The following TEAD1 variants were observed in gnomAD, a reference collection of about 807,000 sequenced individuals.
TEAD1 encodes TEA domain transcription factor 1.
A neutral mutation model predicts 54.9 loss-of-function variants in TEAD1; 9 were observed. The ratio of observed to expected loss-of-function variants is 0.16; its 90% confidence interval spans 0.10 to 0.29. TEAD1 has a LOEUF of 0.29. TEAD1 is among the 10% of genes least tolerant of loss of function. The probability of loss-of-function intolerance (pLI) is 1.00; values close to 1 mark genes in which losing one functional copy is unlikely to be tolerated. For synonymous variants in TEAD1, 200 were observed against 187.8 expected, an observed-to-expected ratio of 1.07 and a Z score of -0.53; for missense variants, 387 against 535.9, an observed-to-expected ratio of 0.72 and a Z score of 2.74.
intron 3 of TEAD1, among the ~76,000 whole-genome samples, chr11:12,846,174 T>G (rs1227572004): frequency 1.3e-5 from 2 of 152,332 alleles, no homozygotes; most frequent in African/African-American, 4.8e-5. Context: ...TATTTGGCCT[T>G]TGTCACATGA....
intron 9 of TEAD1, among the ~76,000 whole-genome samples, chr11:12,885,517 G>A (rs529282040): frequency 1.2e-3 from 176 of 152,182 alleles, no homozygotes; most frequent in African/African-American, 4.1e-3. Context: ...GATTACAGGC[G>A]TGAGGCACCG....
At chr11:12,693,180 A>G (rs1356001538) in intron 2 of TEAD1, among the ~76,000 whole-genome samples, 2 of 152,242 alleles carry the variant, frequency 1.3e-5, no homozygotes, top group South Asian at 2.1e-4. Flanking sequence ...TAGTACTTTT[A>G]AAGAACTTCG....
At chr11:12,689,539 T>A (rs892288364) in intron 2 of TEAD1, among the ~76,000 whole-genome samples, 1 of 152,152 alleles carries the variant, frequency 6.6e-6, no homozygotes, top group Non-Finnish European at 1.5e-5. Flanking sequence ...CGGAGAAGTG[T>A]CTCATAAATG....
intron 10 of TEAD1, among the ~76,000 whole-genome samples, chr11:12,903,517 T>A (rs1948458972): frequency 6.6e-6 from 1 of 152,232 alleles, no homozygotes. Context: ...CTTCCATTAT[T>A]GAAATTTGGT....
intron 2 of TEAD1, among the ~76,000 whole-genome samples, chr11:12,741,924 G>A (rs1944658895): frequency 2.6e-5 from 4 of 152,178 alleles, no homozygotes; most frequent in Admixed American, 2.6e-4. Flanking sequence ...TCATGTGGCT[G>A]TCTGTTACCT....
intron 9 of TEAD1, among the ~76,000 whole-genome samples, chr11:12,885,012 G>T (rs1443319112): frequency 6.6e-6 from 1 of 152,138 alleles, no homozygotes; most frequent in Non-Finnish European, 1.5e-5. Context: ...CTTTGTGGTT[G>T]AGTATTTCAT....
intron 9 of TEAD1, among the ~76,000 whole-genome samples, chr11:12,897,555 T>C (rs1308785616): frequency 2.0e-5 from 3 of 152,200 alleles, no homozygotes; most frequent in South Asian, 4.1e-4. Context: ...CACCACCTCT[T>C]GGCAGCAGTG....
intron 5 of TEAD1, among the ~76,000 whole-genome samples, chr11:12,870,753 G>A (rs1947730547): frequency 6.6e-6 from 1 of 152,324 alleles, no homozygotes; most frequent in Non-Finnish European, 1.5e-5. Flanking sequence ...AGGTATGGCA[G>A]TGTGCACCGG....
chr11:12,723,580 TCTC>T (rs1398326586), intron 2 of TEAD1, among the ~76,000 whole-genome samples: 1 of 152,194 alleles, frequency 6.6e-6, no homozygotes, highest in African/African-American at 2.4e-5. Flanking sequence ...CTTTTCCTCT[TCTC>T]CTTAGATTCT....
At chr11:12,893,422 C>CT (rs1207250534) in intron 9 of TEAD1, among the ~76,000 whole-genome samples, 1 of 152,196 alleles carries the variant, frequency 6.6e-6, no homozygotes, top group Non-Finnish European at 1.5e-5. Flanking sequence ...AGACATTGTA[C>CT]TGTGTTTCTA....
intron 2 of TEAD1, among the ~76,000 whole-genome samples, chr11:12,730,035 C>T (rs985855625): frequency 1.3e-5 from 2 of 151,862 alleles, no homozygotes; most frequent in South Asian, 2.1e-4. Flanking sequence ...CATAGGTGAC[C>T]ACAACTTCCC....
chr11:12,731,509 G>C (rs971346637), intron 2 of TEAD1, among the ~76,000 whole-genome samples: 5 of 151,910 alleles, frequency 3.3e-5, no homozygotes, highest in Admixed American at 6.6e-5. Context: ...TACTTTTCTG[G>C]TAGGTGGAAT....
intron 3 of TEAD1, among the ~76,000 whole-genome samples, chr11:12,794,505 C>T (rs1323835090): frequency 6.6e-6 from 1 of 152,206 alleles, no homozygotes; most frequent in Admixed American, 6.5e-5. Context: ...ATATCCCTCT[C>T]TTTTCGACAT....
At chr11:12,907,151 T>C (rs1189722375) in intron 10 of TEAD1, among the ~76,000 whole-genome samples, 1 of 152,228 alleles carries the variant, frequency 6.6e-6, no homozygotes, top group Non-Finnish European at 1.5e-5. Flanking sequence ...CTTCAGCCAT[T>C]ATGTCTGCAA....
At chr11:12,715,037 A>G (rs916149940) in intron 2 of TEAD1, among the ~76,000 whole-genome samples, 59 of 152,182 alleles carry the variant, frequency 3.9e-4, no homozygotes, top group African/African-American at 1.1e-3. Context: ...ACCAAGTGTC[A>G]GTATGTGTCA....
chr11:12,713,935 C>T (rs1034411500), intron 2 of TEAD1, among the ~76,000 whole-genome samples: 1 of 152,224 alleles, frequency 6.6e-6, no homozygotes, highest in African/African-American at 2.4e-5. Flanking sequence ...ACTGGCCAGC[C>T]TTCAGACTTT....
At chr11:12,864,923 G>A in intron 5 of TEAD1, 23 bp downstream of exon 5, 1 of 1,613,660 alleles carries the variant, frequency 6.2e-7, no homozygotes, top group Non-Finnish European at 8.5e-7. Flanking sequence ...CTGCTTTTTG[G>A]CTTGTGGTTG....
intron 3 of TEAD1, among the ~76,000 whole-genome samples, chr11:12,809,983 T>TTTG (rs1946263454): frequency 6.0e-5 from 2 of 33,248 alleles, no homozygotes; most frequent in African/African-American, 1.4e-4. Flanking sequence ...TCTTTTTTTT[T>TTTG]TTTTTTTTTT....
intron 3 of TEAD1, among the ~76,000 whole-genome samples, chr11:12,781,782 TAG>T (rs1187750847): frequency 6.6e-6 from 1 of 151,430 alleles, no homozygotes; most frequent in Non-Finnish European, 1.5e-5. Context: ...AGACTCACCA[TAG>T]AGTTATTATA....
Sources: allele counts gnomAD v4.1 joint callset (sites outside exome capture counted in the v4.1 genomes callset), GRCh38; gene constraint gnomAD v4.1.1; transcripts MANE v1.5; gene names NCBI Gene and HGNC (gene_info 2026-07-23, HGNC 2026-07-21).